EYS: variants seen among roughly 807,000 people sequenced by gnomAD.
The protein encoded by EYS is protein eyes shut homolog.
A neutral mutation model predicts 282.1 loss-of-function variants in EYS; 250 were observed. The ratio of observed to expected loss-of-function variants is 0.89; its 90% CI spans 0.80 to 0.98. The LOEUF (loss-of-function observed/expected upper bound fraction) is 0.98. Among genes scored for constraint, EYS ranks in the 50% least tolerant of loss-of-function variants. The probability of loss-of-function intolerance (pLI) is 0.00; values close to 1 mark genes in which losing one functional copy is unlikely to be tolerated. For missense variants in EYS, 4,016 were observed against 3,709.0 expected (o/e 1.08, Z -2.15); for synonymous variants, 1,355 against 1,282.9 (o/e 1.06, Z -1.20).
chr6:63,970,576 T>A lies in EYS; in HGVS notation c.7055+13807A>T, dbSNP rs530011789. Among the ~76,000 whole-genome samples the A allele has an allele frequency of 2.7e-5, 4 of 150,488 alleles. No individual in the cohort carries two copies. In the South Asian group the frequency reaches 8.4e-4, roughly 32 times the overall value. ...CATGAACCCGGGAGGTGGAGCTTGCTGTAAGTCGAGATCACACCGCTGCAC... is the reference window on the plus strand; with the variant it reads ...CATGAACCCGGGAGGTGGAGCTTGCAGTAAGTCGAGATCACACCGCTGCAC... On this transcript the variant is annotated intron_variant, in intron 35 of 42. Transcript: ENST00000503581.
chr6:65,489,239 G>A (rs1765931027), intron 5 of EYS: 1 of 152,130 alleles, frequency 6.6e-6, no homozygotes, highest in Non-Finnish European at 1.5e-5. Context: ...CTGACAAAGG[G>A]TTAATAACCA....
intron 33 of EYS, among the ~76,000 whole-genome samples, chr6:64,030,903 T>G (rs1769792652): frequency 6.6e-6 from 1 of 152,226 alleles, no homozygotes; most frequent in African/African-American, 2.4e-5. Flanking sequence ...GCAGGGCCCC[T>G]TCATCGTCCC....
chr6:64,425,515 G>A (rs921111953), intron 28 of EYS, among the ~76,000 whole-genome samples: 8 of 151,994 alleles, frequency 5.3e-5, no homozygotes, highest in African/African-American at 1.9e-4. Flanking sequence ...TTAGCCGGGT[G>A]TGGTGGTGTC....
At chr6:64,145,316 A>G (rs529378802) in intron 31 of EYS, among the ~76,000 whole-genome samples, 1 of 152,330 alleles carries the variant, frequency 6.6e-6, no homozygotes, top group East Asian at 1.9e-4. Flanking sequence ...TGAAATGCAC[A>G]CAAAATGCAT....
At chr6:64,471,996 GAT>G (rs1776137088) in intron 26 of EYS, among the ~76,000 whole-genome samples, 1 of 152,082 alleles carries the variant, frequency 6.6e-6, no homozygotes, top group South Asian at 2.1e-4. Flanking sequence ...AATTTGAGGT[GAT>G]AGATATCTTA....
chr6:65,506,807 T>G (rs1269879818), intron 2 of EYS, among the ~76,000 whole-genome samples: 1 of 152,120 alleles, frequency 6.6e-6, no homozygotes, highest in Admixed American at 6.6e-5. Flanking sequence ...ATTTGATTTT[T>G]AAATAACAGT....
intron 2 of EYS, among the ~76,000 whole-genome samples, chr6:65,626,152 A>G (rs895867167): frequency 5.9e-5 from 9 of 152,162 alleles, no homozygotes; most frequent in Admixed American, 1.3e-4. Flanking sequence ...AACCTCCTAG[A>G]CGATGATACA....
intron 13 of EYS, among the ~76,000 whole-genome samples, chr6:65,040,644 A>G (rs1029282917): frequency 1.3e-5 from 2 of 151,688 alleles, no homozygotes; most frequent in East Asian, 1.9e-4. Context: ...TTATTCCTCC[A>G]GTCCTGACAA....
At chr6:65,311,005 C>A (rs1410731737) in intron 11 of EYS, among the ~76,000 whole-genome samples, 1 of 151,968 alleles carries the variant, frequency 6.6e-6, no homozygotes, top group African/African-American at 2.4e-5. Context: ...ATAATCGATA[C>A]CCATTAAATA....
At chr6:64,686,721 G>A (rs866383314) in intron 22 of EYS, among the ~76,000 whole-genome samples, 9 of 141,464 alleles carry the variant, frequency 6.4e-5, no homozygotes, top group South Asian at 2.3e-4. Flanking sequence ...CAGCCTGGGC[G>A]ACAGAGCAAG....
intron 31 of EYS, among the ~76,000 whole-genome samples, chr6:64,105,762 A>G (rs1052508134): frequency 2.6e-5 from 4 of 152,094 alleles, no homozygotes; most frequent in Admixed American, 1.3e-4. Context: ...ATGACATGAT[A>G]GCTCATTTCT....
At chr6:64,438,524 G>A (rs375612701) in intron 27 of EYS, among the ~76,000 whole-genome samples, 8 of 151,390 alleles carry the variant, frequency 5.3e-5, no homozygotes, top group African/African-American at 1.7e-4. Context: ...AAATATCTTG[G>A]GATTCCCTAG....
chr6:63,892,803 A>G (rs1019212914), intron 35 of EYS, among the ~76,000 whole-genome samples: 3 of 152,218 alleles, frequency 2.0e-5, no homozygotes, highest in Admixed American at 2.0e-4. Context: ...AGCCTACAGA[A>G]TGAGAGAAAA....
chr6:64,783,461 C>A (rs1773924829), intron 22 of EYS, among the ~76,000 whole-genome samples: 1 of 151,656 alleles, frequency 6.6e-6, no homozygotes, highest in Admixed American at 6.6e-5. Context: ...TACTCTACTG[C>A]AATCAATTTA....
At chr6:64,734,666 T>A (rs1772124579) in intron 22 of EYS, among the ~76,000 whole-genome samples, 1 of 152,106 alleles carries the variant, frequency 6.6e-6, no homozygotes, top group African/African-American at 2.4e-5. Flanking sequence ...AAGGAAAAAA[T>A]AAATTCTACC....
At chr6:63,948,286 CCCA>C (rs1418453182) in intron 35 of EYS, among the ~76,000 whole-genome samples, 1 of 152,172 alleles carries the variant, frequency 6.6e-6, no homozygotes, top group Admixed American at 6.5e-5. Flanking sequence ...TCCCTCTTCT[CCCA>C]CAAGATGAAT....
intron 35 of EYS, among the ~76,000 whole-genome samples, chr6:63,901,909 T>C (rs902890870): frequency 6.6e-6 from 1 of 152,188 alleles, no homozygotes; most frequent in Non-Finnish European, 1.5e-5. Context: ...TATTATTTAA[T>C]TGAGACAGAG....
intron 1 of EYS, among the ~76,000 whole-genome samples, chr6:65,692,151 T>C (rs1039935449): frequency 1.3e-5 from 2 of 150,380 alleles, no homozygotes; most frequent in Non-Finnish European, 3.0e-5. Context: ...TTATACCAAG[T>C]GACAAAGTCA....
At chr6:63,723,868 C>T (rs1768510164) in intron 42 of EYS, among the ~76,000 whole-genome samples, 1 of 150,980 alleles carries the variant, frequency 6.6e-6, no homozygotes, top group African/African-American at 2.4e-5. Flanking sequence ...GTCCCCCAAG[C>T]TGGAGTGCAA....
Sources: gnomAD v4.1 joint callset for allele counts (sites outside exome capture counted in the v4.1 genomes callset) on GRCh38, gnomAD v4.1.1 for gene constraint, MANE v1.5 for transcripts, NCBI Gene and HGNC (gene_info 2026-07-23, HGNC 2026-07-21) for gene names.